Variants in FGFR4 observed in about 807,000 individuals in gnomAD.
The protein encoded by FGFR4 is hydroxyaryl-protein kinase.
In FGFR4, 63 loss-of-function variants were observed where a neutral mutation model predicts 89.9. The ratio of observed to expected loss-of-function variants is 0.70; its 90% CI spans 0.57 to 0.86. The LOEUF is 0.86. FGFR4 is among the 40% of genes least tolerant of loss of function. FGFR4 has a pLI of 0.00. For synonymous variants in FGFR4, 486 were observed against 479.4 expected, an observed-to-expected ratio of 1.01 and a Z score of -0.18; for missense variants, 928 against 1,106.7, an observed-to-expected ratio of 0.84 and a Z score of 2.29.
At chr5:177,096,944 C>T (rs796084989) in intron 16 of FGFR4, among the ~76,000 whole-genome samples, 19 of 96,294 alleles carry the variant, frequency 2.0e-4, no homozygotes, top group South Asian at 3.8e-4. Context: ...CCTCCTCCTC[C>T]TCTTCCTCCT....
intron 1 of FGFR4, 119 bp from the exon 2 acceptor site, chr5:177,089,431 C>T: frequency 8.5e-7 from 1 of 1,180,034 alleles, no homozygotes; most frequent in Non-Finnish European, 1.2e-6. Flanking sequence ...ACAGCCTGGC[C>T]AGGGACTTGG....
rs558220864 is a variant in FGFR4, at chr5:177,093,463, C to T, written c.1309C>T (p.Arg437Cys). Residue 437 changes from arginine (R) to cysteine (C), a missense_variant, in exon 10 of 18, where the codon CGT (arginine) becomes TGT (cysteine). By Grantham distance (180) the Arg-to-Cys change is radical (BLOSUM62 -3). Transcript: ENST00000292408. This position sits in a 1 kb window ranked among gnomAD's most constrained non-coding sequence, Gnocchi z 5.8. ...AAGCTCATCCCTGGTACGAGGCGTG[C>T]GTCTCTCCTCCAGCGGCCCCGCCTT... is the stretch of plus-strand genomic sequence containing the variant. ...KSSSSLVRGV[R>C]LSSSGPALLA... 5.7e-5 allele frequency: 92 copies of T among 1,614,006 alleles called. No homozygotes were observed. The South Asian group carries it at 6.8e-4, about 12-fold the overall frequency.
In FGFR4 at chr5:177,095,742, T is replaced by C; in HGVS notation, c.1821+19T>C. ...CCGGAAGGTACAGGCGCTAGGGCTC[T>C]GAGCCCCTCTCAGTCTCTCCAGCTC... On this transcript the variant is annotated intron_variant, in intron 13 of 17. Transcript: ENST00000292408. This position sits in a 1 kb window ranked among gnomAD's most constrained non-coding sequence, Gnocchi z 5.7. 1 of 1,561,900 alleles carries C rather than the reference T, an allele frequency of 6.4e-7. No individual in the cohort carries two copies. Among genetic ancestry groups the C allele is most frequent in the South Asian group, 1.2e-5 (1 of 83,604 alleles).
chr5:177,092,649 G>T lies in FGFR4; in HGVS notation c.922G>T (p.Ala308Ser). ...GFPYVQVLKT[A>S]DINSSEVEVL... Reference sequence around the variant, plus strand: ...CAGAGCATGTCCCCCACCCCAGACTGCAGACATCAATAGCTCAGAGGTGGA... The same window carrying T: ...CAGAGCATGTCCCCCACCCCAGACTTCAGACATCAATAGCTCAGAGGTGGA... Residue 308 changes from alanine to serine, a missense_variant, in exon 8 of 18, where the codon GCA (alanine) becomes TCA (serine). By Grantham distance (99) the Ala-to-Ser change is moderately conservative (BLOSUM62 1). This residue lies in a region of FGFR4 where 741 missense variants were observed against 836.9 expected (regional missense o/e 0.89). Coordinates refer to ENST00000292408, the MANE Select transcript of FGFR4 (RefSeq NM_213647.3). 3 of 1,604,212 alleles carry T rather than the reference G, an allele frequency of 1.9e-6. No individual in the cohort carries two copies. The highest frequency in any genetic ancestry group is 2.6e-6 in the Non-Finnish European group (3 of 1,172,166).
rs752909832 is a variant in FGFR4, at chr5:177,096,090, C to T, written c.1855C>T (p.Leu619=). 2 of 1,614,172 alleles carry T rather than the reference C, an allele frequency of 1.2e-6. No homozygotes were observed. Among genetic ancestry groups the T allele is most frequent in the Non-Finnish European group, 1.7e-6 (2 of 1,180,010 alleles). Residue 619 remains leucine (L), a synonymous_variant, in exon 14 of 18, where the codon CTG becomes TTG. Transcript: ENST00000292408. ...IHRDLAARNV[L]VTEDNVMKIA... is the part of the protein sequence containing the mutation. Reference sequence around the variant, plus strand: ...CCGGGACCTGGCTGCCCGCAATGTGCTGGTGACTGAGGACAATGTGATGAA... The same window carrying T: ...CCGGGACCTGGCTGCCCGCAATGTGTTGGTGACTGAGGACAATGTGATGAA...
At position 177,097,777 on chromosome 5, in the gene FGFR4, T is replaced by G; in HGVS notation, c.*101T>G. ...CTCGACCTTGATAGCATGGGGCCCC[T>G]GGCCCAGAGTTGCTGTGCCGTGTCC... On this transcript the variant is annotated 3_prime_UTR_variant, in exon 18 of 18. Coordinates refer to ENST00000292408, the MANE Select transcript of FGFR4 (RefSeq NM_213647.3). 3 of 1,425,280 alleles carry G rather than the reference T, an allele frequency of 2.1e-6. No homozygotes were observed. The highest frequency in any genetic ancestry group is 2.8e-6 in the Non-Finnish European group (3 of 1,064,100). 88.3% of individuals were successfully genotyped at this position (1,425,280 alleles called of 1,614,324 possible). A position where few individuals can be genotyped will look rare whatever the true frequency, so the allele number is the denominator to read the frequency against.
chr5:177,091,599 G>A, intron 5 of FGFR4, 86 bp from the exon 6 acceptor site: 12 of 1,555,574 alleles, frequency 7.7e-6, no homozygotes, highest in Non-Finnish European at 9.6e-6. Flanking sequence ...AGAGCCCTGT[G>A]GGCAGGATGA....
intron 15 of FGFR4, 103 bp from the exon 16 acceptor site, chr5:177,096,501 C>T: frequency 1.3e-6 from 2 of 1,534,874 alleles, no homozygotes; most frequent in Non-Finnish European, 8.9e-7. Flanking sequence ...AGGAGGAGCC[C>T]ATTCCCCAAC....
In FGFR4 at chr5:177,093,523, G is replaced by A. The variant is rs763461529; in HGVS notation, c.1369G>A (p.Asp457Asn). Residue 457 changes from aspartate to asparagine, a missense_variant, in exon 10 of 18, where the codon GAC (aspartate) becomes AAC (asparagine). By Grantham distance (23) the Asp-to-Asn change is conservative. Transcript: ENST00000292408. This position sits in a 1 kb window ranked among gnomAD's most constrained non-coding sequence, Gnocchi z 5.8. ...CCTCGTGAGTCTAGATCTACCTCTC[G>A]ACCCACTATGGGAGTTCCCCCGGGA... ...AGLVSLDLPL[D>N]PLWEFPRDRL... The A allele has an allele frequency of 1.6e-5, 26 of 1,613,664 alleles. No homozygotes were observed. The highest frequency in any genetic ancestry group is 1.1e-4 in the South Asian group (10 of 91,088).
intron 1 of FGFR4, among the ~76,000 whole-genome samples, chr5:177,088,061 T>A (rs527642437): frequency 5.7e-4 from 86 of 152,084 alleles, no homozygotes; most frequent in Non-Finnish European, 1.1e-3. Flanking sequence ...TTTTTTATTT[T>A]GTTTTTTTTG....
At position 177,096,369 on chromosome 5, in the gene FGFR4, C is replaced by T. The variant is rs776745024; in HGVS notation, c.2015+12C>T. 20 of 1,613,818 alleles carry T rather than the reference C, an allele frequency of 1.2e-5. No individual in the cohort carries two copies. Among genetic ancestry groups the T allele is most frequent in the Middle Eastern group, 3.3e-4 (2 of 6,018 alleles). On this transcript the variant is annotated intron_variant, in intron 15 of 17. Coordinates refer to ENST00000292408, the MANE Select transcript of FGFR4 (RefSeq NM_213647.3). ...CACCAGAGTGACGTGTGAGTCCTGC[C>T]GGCGGTCACTGTCCTACCCCACAAA...
At position 177,097,233 on chromosome 5, in the gene FGFR4, C is replaced by T. The variant is rs574338505; in HGVS notation, c.2154-59C>T. ...CCTCCCCACCCAGAGAACCCCCGGTCCTCCCCTTCCTCCTGAAGGCCTGAG... is the reference window on the plus strand; with the variant it reads ...CCTCCCCACCCAGAGAACCCCCGGTTCTCCCCTTCCTCCTGAAGGCCTGAG... On this transcript the variant is annotated intron_variant, in intron 16 of 17. Coordinates refer to ENST00000292408, the MANE Select transcript of FGFR4 (RefSeq NM_213647.3). 2.4e-5 allele frequency: 33 copies of T among 1,401,032 alleles called. No individual in the cohort carries two copies. In the South Asian group the frequency reaches 3.8e-4, roughly 16 times the overall value. The allele number at this position is 1,401,032 out of a possible 1,614,324, so 86.8% of individuals were successfully genotyped here.
Position 177,093,538 on chromosome 5 carries a change from T to A in FGFR4, c.1384T>A (p.Phe462Ile), listed in dbSNP as rs552027908. ...LDLPLDPLWE[F>I]PRDRLVLGKP... ...TCTACCTCTCGACCCACTATGGGAGTTCCCCCGGGACAGGTGCGCTGAGCT... is the reference window on the plus strand; with the variant it reads ...TCTACCTCTCGACCCACTATGGGAGATCCCCCGGGACAGGTGCGCTGAGCT... The change falls in exon 10 of 18, where the codon TTC (phenylalanine) becomes ATC (isoleucine). Residue 462 changes from phenylalanine (F) to isoleucine (I), a missense_variant. Around this residue, in one of 5 missense-constraint regions of FGFR4, gnomAD observed 741 missense variants for 836.9 expected, o/e 0.89. Coordinates refer to ENST00000292408, the MANE Select transcript of FGFR4 (RefSeq NM_213647.3). This position sits in a 1 kb window ranked among gnomAD's most constrained non-coding sequence, Gnocchi z 5.8. The A allele has an allele frequency of 6.9e-5, 111 of 1,613,516 alleles. 1 individual carries two copies. In the South Asian group the frequency reaches 1.1e-3, roughly 16 times the overall value.
intron 1 of FGFR4, among the ~76,000 whole-genome samples, chr5:177,088,902 T>A (rs1201161185): frequency 2.6e-5 from 4 of 152,174 alleles, no homozygotes; most frequent in Admixed American, 6.5e-5. Flanking sequence ...GAATTACAAG[T>A]TGGTGAGAGT....
intron 5 of FGFR4, among the ~76,000 whole-genome samples, chr5:177,091,396 C>T (rs1489043069): frequency 2.0e-5 from 3 of 152,184 alleles, no homozygotes; most frequent in Non-Finnish European, 4.4e-5. Context: ...CCTGCAGGGT[C>T]GGCTCCATGC....
intron 1 of FGFR4, chr5:177,088,202 G>A (rs992202233): frequency 9.4e-5 from 15 of 160,100 alleles, no homozygotes; most frequent in Non-Finnish European, 1.7e-4. Flanking sequence ...ACAGGCGCCC[G>A]CCACCGCGCC....
chr5:177,095,026 G>A lies in FGFR4; in HGVS notation c.1520-304G>A, dbSNP rs13174354. The stretch of plus-strand genomic sequence containing the variant: ...CTTCCTTCCTTCCTTCCTGCTCCGA[G>A]CTCTTCCCCTCTCTCCTGTGTCCTG... On this transcript the variant is annotated intron_variant, in intron 11 of 17. Transcript: ENST00000292408. The surrounding 1 kb of genome is among the most constrained non-coding windows in gnomAD (Gnocchi z 5.7). 2.5e-5 allele frequency: 9 copies of A among 360,462 alleles called. No homozygotes were observed. The highest frequency in any genetic ancestry group is 7.5e-5 in the Admixed American group (2 of 26,774). The allele number at this position is 360,462 out of a possible 1,614,324, so 22.3% of individuals were successfully genotyped here.
Position 177,092,641 on chromosome 5 carries a change from C to T in FGFR4, c.919-5C>T. The T allele has an allele frequency of 1.9e-6, 3 of 1,600,466 alleles. No individual in the cohort carries two copies. Among genetic ancestry groups the T allele is most frequent in the Middle Eastern group, 1.7e-4 (1 of 6,018 alleles). On this transcript the variant is annotated splice_polypyrimidine_tract_variant and splice_region_variant and intron_variant, in intron 7 of 17. Transcript: ENST00000292408. ...TGTGACCCCAGAGCATGTCCCCCAC[C>T]CCAGACTGCAGACATCAATAGCTCA...
intron 2 of FGFR4, chr5:177,090,057 G>C (rs351856): frequency 0.025 from 16,843 of 664,780 alleles, 627 homozygotes; most frequent in South Asian, 0.092. Flanking sequence ...GATATGCCCC[G>C]GTGCAGCATG....
Sources: gnomAD v4.1 joint callset for allele counts (sites outside exome capture counted in the v4.1 genomes callset) on GRCh38, gnomAD v4.1.1 for gene constraint, gnomAD v4.1.1 regional missense constraint, Gnocchi (gnomAD v3.1) non-coding constraint, MANE v1.5 for transcripts, NCBI Gene and HGNC (gene_info 2026-07-23, HGNC 2026-07-21) for gene names.